CSMD1: variants seen among roughly 807,000 people sequenced by gnomAD.
CSMD1 encodes CUB and sushi domain-containing protein 1.
In CSMD1, 213 loss-of-function variants were observed where a neutral mutation model predicts 417.5. The ratio of observed to expected loss-of-function variants is 0.51; its 90% CI spans 0.46 to 0.57. CSMD1 has a LOEUF of 0.57. Ranked by LOEUF, CSMD1 falls within the 20% of genes least tolerant of loss-of-function variation. The pLI is 0.00. For synonymous variants in CSMD1, 2,862 were observed against 1,736.8 expected (o/e 1.65, Z -16.11); for missense variants, 6,923 against 4,529.7 (o/e 1.53, Z -15.17).
chr8:3,540,560 C>A (rs1424316368), intron 10 of CSMD1, among the ~76,000 whole-genome samples: 1 of 152,080 alleles, frequency 6.6e-6, no homozygotes, highest in Non-Finnish European at 1.5e-5. Flanking sequence ...AGAGCTTCTG[C>A]ACGACAAAAG....
chr8:4,590,338 C>G (rs1799923068), intron 2 of CSMD1, among the ~76,000 whole-genome samples: 1 of 152,018 alleles, frequency 6.6e-6, no homozygotes, highest in South Asian at 2.1e-4. Flanking sequence ...AAAGTCACAT[C>G]CAGAATACAT....
At chr8:3,181,465 A>G (rs923787071) in intron 36 of CSMD1, among the ~76,000 whole-genome samples, 9 of 152,100 alleles carry the variant, frequency 5.9e-5, no homozygotes, top group African/African-American at 1.2e-4. Flanking sequence ...AAAAACTCCT[A>G]TTGTAGCATG....
chr8:3,600,400 G>C (rs540459755), intron 8 of CSMD1, among the ~76,000 whole-genome samples: 2 of 152,270 alleles, frequency 1.3e-5, no homozygotes, highest in South Asian at 2.1e-4. Flanking sequence ...ATTTCCCCTA[G>C]AATATGAATA....
At chr8:4,675,778 G>A (rs1805644721) in intron 1 of CSMD1, among the ~76,000 whole-genome samples, 3 of 152,086 alleles carry the variant, frequency 2.0e-5, no homozygotes, top group Non-Finnish European at 2.9e-5. Flanking sequence ...GTAAGCCTGT[G>A]TTTACATTCA....
At chr8:4,773,239 G>C (rs1050259688) in intron 1 of CSMD1, among the ~76,000 whole-genome samples, 2 of 151,996 alleles carry the variant, frequency 1.3e-5, no homozygotes, top group Non-Finnish European at 2.9e-5. Context: ...CAGACTTTGG[G>C]GTATTTCAGA....
intron 5 of CSMD1, among the ~76,000 whole-genome samples, chr8:3,961,476 A>C (rs1048320160): frequency 6.6e-6 from 1 of 152,184 alleles, no homozygotes; most frequent in African/African-American, 2.4e-5. Context: ...GACATTTTAA[A>C]AGTCTAGCCC....
intron 5 of CSMD1, among the ~76,000 whole-genome samples, chr8:3,955,460 A>G (rs1459656791): frequency 6.6e-6 from 1 of 152,330 alleles, no homozygotes; most frequent in Admixed American, 6.5e-5. Flanking sequence ...GTAGAAATAA[A>G]GTAGAATTTT....
intron 1 of CSMD1, among the ~76,000 whole-genome samples, chr8:4,735,406 C>A (rs994539195): frequency 6.6e-6 from 1 of 152,118 alleles, no homozygotes; most frequent in Non-Finnish European, 1.5e-5. Flanking sequence ...CCCAAATAAC[C>A]TTCTTTTTTC....
intron 41 of CSMD1, among the ~76,000 whole-genome samples, chr8:3,138,019 G>A (rs1818208140): frequency 6.6e-6 from 1 of 152,220 alleles, no homozygotes; most frequent in African/African-American, 2.4e-5. Flanking sequence ...GAGGTCAGGA[G>A]TTCGAGACCA....
At chr8:4,516,650 T>C (rs770255984) in intron 2 of CSMD1, among the ~76,000 whole-genome samples, 2 of 152,104 alleles carry the variant, frequency 1.3e-5, no homozygotes, top group Non-Finnish European at 2.9e-5. Context: ...TGATCCTGCC[T>C]CTCTCAAGTT....
At chr8:4,733,906 A>C (rs1443795151) in intron 1 of CSMD1, among the ~76,000 whole-genome samples, 7 of 152,328 alleles carry the variant, frequency 4.6e-5, no homozygotes, top group African/African-American at 1.7e-4. Flanking sequence ...AATTCTGGAA[A>C]AAAACAGACA....
chr8:3,623,318 C>A (rs1202670364), intron 7 of CSMD1, among the ~76,000 whole-genome samples: 1 of 152,208 alleles, frequency 6.6e-6, no homozygotes, highest in Non-Finnish European at 1.5e-5. Flanking sequence ...TGTTTGAGGA[C>A]ATGCCATGTA....
intron 6 of CSMD1, among the ~76,000 whole-genome samples, chr8:3,751,226 C>T (rs533933723): frequency 1.3e-5 from 2 of 151,700 alleles, no homozygotes; most frequent in African/African-American, 4.8e-5. Flanking sequence ...TCTCTTGATA[C>T]CTTCATACCT....
At chr8:4,656,989 G>A (rs908696384) in intron 1 of CSMD1, among the ~76,000 whole-genome samples, 2 of 152,040 alleles carry the variant, frequency 1.3e-5, no homozygotes, top group African/African-American at 4.8e-5. Context: ...AGAGATGGAC[G>A]ATCCTCAAAA....
chr8:3,497,459 T>C (rs1298430417), intron 10 of CSMD1, among the ~76,000 whole-genome samples: 1 of 152,168 alleles, frequency 6.6e-6, no homozygotes, highest in Non-Finnish European at 1.5e-5. Flanking sequence ...CAGGCTGGAG[T>C]GCAGTGGTGC....
At chr8:4,984,078 G>T (rs1340629719) in intron 1 of CSMD1, among the ~76,000 whole-genome samples, 1 of 152,174 alleles carries the variant, frequency 6.6e-6, no homozygotes, top group Non-Finnish European at 1.5e-5. Flanking sequence ...ACAGAGAAAA[G>T]CATGTACAGT....
intron 3 of CSMD1, among the ~76,000 whole-genome samples, chr8:4,070,927 T>C (rs188319611): frequency 1.3e-5 from 2 of 152,356 alleles, no homozygotes; most frequent in Admixed American, 6.5e-5. Context: ...TTGTTTTCTA[T>C]GGATGGCCTC....
intron 3 of CSMD1, among the ~76,000 whole-genome samples, chr8:4,276,305 T>C (rs897225701): frequency 2.0e-5 from 3 of 152,050 alleles, no homozygotes; most frequent in African/African-American, 4.8e-5. Context: ...TAAAAAAGGA[T>C]CAGTTAATGT....
chr8:3,542,349 T>G (rs569458782), intron 10 of CSMD1, among the ~76,000 whole-genome samples: 2 of 152,188 alleles, frequency 1.3e-5, no homozygotes, highest in South Asian at 4.2e-4. Flanking sequence ...AATCTTCAAT[T>G]CTGAAGATAG....
Sources: allele counts gnomAD v4.1 joint callset (sites outside exome capture counted in the v4.1 genomes callset), GRCh38; gene constraint gnomAD v4.1.1; transcripts MANE v1.5; gene names NCBI Gene and HGNC (gene_info 2026-07-23, HGNC 2026-07-21).